Variants in DOCK4 observed in about 807,000 individuals in gnomAD.
The protein encoded by DOCK4 is dedicator of cytokinesis protein 4.
In DOCK4, 97 loss-of-function variants were observed where a neutral mutation model predicts 268.1. The ratio of observed to expected loss-of-function variants is 0.36; its 90% confidence interval spans 0.31 to 0.43. The LOEUF (loss-of-function observed/expected upper bound fraction) is 0.43, where lower values mean the gene tolerates loss of function less well. Ranked by LOEUF, DOCK4 falls within the 20% of genes least tolerant of loss-of-function variation. DOCK4 has a pLI of 1.00. For missense variants in DOCK4, 2,145 were observed against 2,455.7 expected (o/e 0.87, Z 2.67); for synonymous variants, 954 against 887.2 (o/e 1.08, Z -1.34).
intron 31 of DOCK4, among the ~76,000 whole-genome samples, chr7:111,789,732 C>A (rs1799403743): frequency 6.6e-6 from 1 of 152,122 alleles, no homozygotes; most frequent in South Asian, 2.1e-4. Flanking sequence ...GACAACCATT[C>A]CTGAGATTTG....
intron 1 of DOCK4, among the ~76,000 whole-genome samples, chr7:112,026,729 A>T (rs567653365): frequency 1.3e-5 from 2 of 152,360 alleles, no homozygotes; most frequent in South Asian, 4.1e-4. Flanking sequence ...ATAATGACAG[A>T]GTCCTGTGGT....
At chr7:111,793,387 T>C (rs1799683848) in intron 30 of DOCK4, among the ~76,000 whole-genome samples, 1 of 152,376 alleles carries the variant, frequency 6.6e-6, no homozygotes, top group Admixed American at 6.5e-5. Context: ...ATGGTTTGAA[T>C]TTTTAAGTAT....
At chr7:111,856,218 T>C (rs1394740750) in intron 23 of DOCK4, among the ~76,000 whole-genome samples, 1 of 152,224 alleles carries the variant, frequency 6.6e-6, no homozygotes, top group Non-Finnish European at 1.5e-5. Flanking sequence ...CTTGTTATAC[T>C]GTCAATCCGC....
At chr7:111,892,411 A>G (rs1383174986) in intron 16 of DOCK4, among the ~76,000 whole-genome samples, 1 of 152,202 alleles carries the variant, frequency 6.6e-6, no homozygotes, top group Non-Finnish European at 1.5e-5. Context: ...CATGTTGGCC[A>G]GGCTGGTCTT....
At chr7:111,741,774 A>G (rs1306335277) in intron 45 of DOCK4, 113 bp from the exon 46 acceptor site, 10 of 1,375,984 alleles carry the variant, frequency 7.3e-6, no homozygotes, top group Non-Finnish European at 9.7e-6. Flanking sequence ...GTCTTCACAT[A>G]GGGAGCTATT....
intron 1 of DOCK4, among the ~76,000 whole-genome samples, chr7:112,135,533 C>T (rs1457422915): frequency 6.6e-6 from 1 of 152,036 alleles, no homozygotes; most frequent in African/African-American, 2.4e-5. Context: ...TTCTTATTAG[C>T]TATATAATCT....
intron 1 of DOCK4, among the ~76,000 whole-genome samples, chr7:112,027,989 A>G (rs947251592): frequency 6.6e-6 from 1 of 152,232 alleles, no homozygotes; most frequent in African/African-American, 2.4e-5. Flanking sequence ...GGCAGTACAT[A>G]GAAGAGGATT....
At position 111,951,619 on chromosome 7, in the gene DOCK4, G is replaced by A. The variant is rs1347228350; in HGVS notation, c.702-5821C>T. 2.1e-5 allele frequency among the ~76,000 whole-genome samples: 3 copies of A among 145,508 alleles called. No individual in the cohort carries two copies. In the South Asian group the frequency reaches 6.5e-4, roughly 32 times the overall value. On this transcript the variant is annotated intron_variant, in intron 8 of 52. Coordinates refer to ENST00000428084, the MANE Select transcript of DOCK4 (RefSeq NM_001363540.2). ...GCCCAAGAGTTCAAAACCAACTTGG[G>A]TCAACATATTGGAAACCCCATCGCT... is the stretch of plus-strand genomic sequence containing the variant.
chr7:112,168,242 A>C (rs372682974), intron 1 of DOCK4, among the ~76,000 whole-genome samples: 125 of 152,356 alleles, frequency 8.2e-4, no homozygotes, highest in African/African-American at 2.8e-3. Context: ...GCATGATTCA[A>C]ATGTCTTTCA....
At chr7:112,188,705 CTTG>C (rs2116766216) in intron 1 of DOCK4, among the ~76,000 whole-genome samples, 1 of 152,284 alleles carries the variant, frequency 6.6e-6, no homozygotes, top group Admixed American at 6.5e-5. Context: ...AACTTCAAAC[CTTG>C]TTGTAACAGA....
chr7:111,852,538 C>T (rs1344616669), intron 23 of DOCK4, among the ~76,000 whole-genome samples: 1 of 149,980 alleles, frequency 6.7e-6, no homozygotes, highest in Non-Finnish European at 1.5e-5. Context: ...ATTTAAGTGC[C>T]AGTAGTCATT....
At chr7:111,872,656 C>T (rs1234600564) in intron 17 of DOCK4, 92 bp from the exon 18 acceptor site, 6 of 1,047,876 alleles carry the variant, frequency 5.7e-6, no homozygotes, top group Admixed American at 2.7e-5. Flanking sequence ...ATTCTTAACA[C>T]ATGTGGCTCC....
chr7:112,068,656 A>G (rs1235838343), intron 1 of DOCK4, among the ~76,000 whole-genome samples: 1 of 152,230 alleles, frequency 6.6e-6, no homozygotes, highest in African/African-American at 2.4e-5. Flanking sequence ...AAAGAGCAAA[A>G]TATCTTCTCT....
intron 4 of DOCK4, 79 bp from the exon 5 acceptor site, chr7:111,994,310 T>C (rs1359134002): frequency 1.1e-6 from 1 of 914,150 alleles, no homozygotes; most frequent in Non-Finnish European, 1.6e-6. Context: ...AAAAGATAAC[T>C]AGAAAAGAAA....
intron 23 of DOCK4, among the ~76,000 whole-genome samples, chr7:111,858,115 C>T (rs1165118841): frequency 6.6e-6 from 1 of 152,142 alleles, no homozygotes; most frequent in Non-Finnish European, 1.5e-5. Context: ...TGTGAGGCTG[C>T]CCAGAGACCC....
intron 1 of DOCK4, among the ~76,000 whole-genome samples, chr7:112,115,696 T>C (rs1223533036): frequency 6.6e-6 from 1 of 152,172 alleles, no homozygotes; most frequent in Non-Finnish European, 1.5e-5. Context: ...TATTTATCTA[T>C]CTATTAACAG....
At chr7:111,774,646 G>A (rs1182040960) in intron 36 of DOCK4, among the ~76,000 whole-genome samples, 1 of 152,162 alleles carries the variant, frequency 6.6e-6, no homozygotes, top group Non-Finnish European at 1.5e-5. Context: ...TGATCCTGAA[G>A]GATGAAAGGA....
chr7:111,787,497 T>G (rs1367445488), intron 32 of DOCK4, among the ~76,000 whole-genome samples: 1 of 152,172 alleles, frequency 6.6e-6, no homozygotes, highest in African/African-American at 2.4e-5. Flanking sequence ...AAGAATATAT[T>G]TTATCACCCA....
chr7:111,737,146 G>C (rs1222074434), intron 49 of DOCK4, among the ~76,000 whole-genome samples, 157 bp from the exon 50 acceptor site: 1 of 152,166 alleles, frequency 6.6e-6, no homozygotes, highest in East Asian at 1.9e-4. Flanking sequence ...TTATATTTAA[G>C]TAAAAGGGGG....
Sources: gnomAD v4.1 joint callset for allele counts (sites outside exome capture counted in the v4.1 genomes callset) on GRCh38, gnomAD v4.1.1 for gene constraint, MANE v1.5 for transcripts, NCBI Gene and HGNC (gene_info 2026-07-23, HGNC 2026-07-21) for gene names.